Variants in CNTNAP4 observed in about 807,000 individuals in gnomAD.
The protein encoded by CNTNAP4 is contactin associated protein family member 4.
In CNTNAP4, 98 loss-of-function variants were observed where a neutral mutation model predicts 148.4. The observed-to-expected ratio is 0.66, with a 90% confidence interval of 0.56 to 0.78. The LOEUF (loss-of-function observed/expected upper bound fraction) is 0.78, where lower values mean the gene tolerates loss of function less well. Ranked by LOEUF, CNTNAP4 falls within the 30% of genes least tolerant of loss-of-function variation. CNTNAP4 has a pLI of 0.00. For synonymous variants in CNTNAP4, 730 were observed against 565.1 expected (o/e 1.29, Z -4.14); for missense variants, 1,935 against 1,565.6 (o/e 1.24, Z -3.98).
chr16:76,443,013 A>C (rs187362237), intron 4 of CNTNAP4, among the ~76,000 whole-genome samples: 75 of 152,128 alleles, frequency 4.9e-4, no homozygotes, highest in African/African-American at 1.7e-3. Flanking sequence ...TGTCAGAACA[A>C]TTTGCAACTG....
intron 3 of CNTNAP4, among the ~76,000 whole-genome samples, chr16:76,373,551 G>A (rs143269409): frequency 6.6e-6 from 1 of 152,096 alleles, no homozygotes; most frequent in Non-Finnish European, 1.5e-5. Context: ...TTTAGGAAAA[G>A]ATTCAAATGT....
intron 21 of CNTNAP4, among the ~76,000 whole-genome samples, chr16:76,541,732 G>C (rs1212762778): frequency 6.6e-6 from 1 of 152,158 alleles, no homozygotes; most frequent in East Asian, 1.9e-4. Context: ...GAGGTTAATA[G>C]TTCAGCAAAT....
At chr16:76,399,632 A>G (rs2078332538) in intron 3 of CNTNAP4, among the ~76,000 whole-genome samples, 1 of 152,184 alleles carries the variant, frequency 6.6e-6, no homozygotes, top group Non-Finnish European at 1.5e-5. Context: ...ATTAAAAAAG[A>G]GTATCTTTTG....
chr16:76,341,673 G>A (rs1964479906), intron 2 of CNTNAP4, among the ~76,000 whole-genome samples: 1 of 152,112 alleles, frequency 6.6e-6, no homozygotes, highest in African/African-American at 2.4e-5. Context: ...GAGGCATTCA[G>A]GATTTGGGAT....
chr16:76,336,204 A>G (rs16944234), intron 2 of CNTNAP4, among the ~76,000 whole-genome samples: 1,916 of 152,290 alleles, frequency 0.013, 55 homozygotes, highest in African/African-American at 0.044. Context: ...GGTTGGGAAA[A>G]AAAATGCAGA....
At chr16:76,316,568 T>A in intron 2 of CNTNAP4, 45 bp downstream of exon 2, 1 of 1,235,112 alleles carries the variant, frequency 8.1e-7, no homozygotes, top group Non-Finnish European at 1.2e-6. Context: ...AAAATCTCAC[T>A]AGTTTTTCAT....
At position 76,452,753 on chromosome 16, in the gene CNTNAP4, C is replaced by T. The variant is rs765491925; in HGVS notation, c.1317C>T (p.Pro439=). 6 of 1,591,802 alleles carry T rather than the reference C, an allele frequency of 3.8e-6. No homozygotes were observed. The East Asian group carries it at 1.1e-4, about 30-fold the overall frequency. ...ATCTCTACCAGCCAGGAAAATTACCCAGTGACATCACAGCAGGTAATAAAT... is the reference window on the plus strand; with the variant it reads ...ATCTCTACCAGCCAGGAAAATTACCTAGTGACATCACAGCAGGTAATAAAT... The part of the protein sequence containing the change: ...KSNLYQPGKL[P]SDITAGVELN... Residue 439 remains proline, a synonymous_variant, in exon 8 of 24, where the codon CCC becomes CCT. Transcript: ENST00000611870.
chr16:76,429,336 T>G (rs1169773065), intron 4 of CNTNAP4, among the ~76,000 whole-genome samples: 1 of 152,208 alleles, frequency 6.6e-6, no homozygotes, highest in Non-Finnish European at 1.5e-5. Context: ...TGCTTCCTGT[T>G]TACAGTTATA....
intron 2 of CNTNAP4, among the ~76,000 whole-genome samples, chr16:76,338,042 C>A (rs1050638636): frequency 2.6e-5 from 4 of 152,120 alleles, no homozygotes; most frequent in Non-Finnish European, 5.9e-5. Context: ...ATCACAGGAT[C>A]CTGAGGTGAC....
intron 7 of CNTNAP4, among the ~76,000 whole-genome samples, chr16:76,450,993 A>G (rs2080447925): frequency 1.3e-5 from 2 of 152,130 alleles, no homozygotes; most frequent in African/African-American, 4.8e-5. Flanking sequence ...TCAGCCTAGG[A>G]GGGTTGAAGA....
At chr16:76,447,356 T>TGA (rs1555559395) in intron 4 of CNTNAP4, among the ~76,000 whole-genome samples, 24 of 147,484 alleles carry the variant, frequency 1.6e-4, no homozygotes, top group Non-Finnish European at 4.5e-5. Context: ...ATATATGAAA[T>TGA]TATATATATA....
At chr16:76,348,831 T>G (rs1254965330) in intron 2 of CNTNAP4, among the ~76,000 whole-genome samples, 2 of 143,792 alleles carry the variant, frequency 1.4e-5, no homozygotes, top group East Asian at 4.1e-4. Context: ...CTATATTATT[T>G]GAAGACTGTT....
chr16:76,485,967 T>G (rs1597701605), intron 12 of CNTNAP4, among the ~76,000 whole-genome samples: 1 of 152,370 alleles, frequency 6.6e-6, no homozygotes, highest in East Asian at 1.9e-4. Flanking sequence ...CCTTCAGCTA[T>G]TCAGCGTGAA....
chr16:76,296,589 C>A (rs9925731), intron 1 of CNTNAP4, among the ~76,000 whole-genome samples: 3,025 of 151,988 alleles, frequency 0.02, 103 homozygotes, highest in African/African-American at 0.068. Flanking sequence ...TGTTCTAGAA[C>A]ACAGGCATAT....
intron 13 of CNTNAP4, 24 bp downstream of exon 13, chr16:76,489,907 T>G: frequency 6.9e-7 from 1 of 1,449,830 alleles, no homozygotes; most frequent in Non-Finnish European, 9.3e-7. Context: ...GGTGTCTGTC[T>G]TGTTGCACAC....
At chr16:76,460,622 G>T (rs1219563166) in intron 8 of CNTNAP4, among the ~76,000 whole-genome samples, 4 of 147,930 alleles carry the variant, frequency 2.7e-5, no homozygotes, top group Non-Finnish European at 4.5e-5. Flanking sequence ...AATTAGCCAG[G>T]CGTGGTGGCA....
At chr16:76,379,384 A>G (rs1315822607) in intron 3 of CNTNAP4, among the ~76,000 whole-genome samples, 2 of 152,044 alleles carry the variant, frequency 1.3e-5, no homozygotes, top group East Asian at 1.9e-4. Context: ...TCTATTTATA[A>G]TTTTTCATTT....
Position 76,326,434 on chromosome 16 carries a change from G to A in CNTNAP4, c.196+9911G>A, listed in dbSNP as rs74672770. ...GCCCAGCAGGGGATGGACGGATCTTGCTAAGAGATGGGAAAAGCTAGCAAA... is the reference window on the plus strand; with the variant it reads ...GCCCAGCAGGGGATGGACGGATCTTACTAAGAGATGGGAAAAGCTAGCAAA... On this transcript the variant is annotated intron_variant, in intron 2 of 23. Transcript: ENST00000611870. Among the ~76,000 whole-genome samples the A allele has an allele frequency of 5.7e-3, 864 of 152,286 alleles. 4 individuals carry two copies. The highest frequency in any genetic ancestry group is 0.015 in the African/African-American group (608 of 41,556).
At chr16:76,441,575 G>A (rs1409991788) in intron 4 of CNTNAP4, among the ~76,000 whole-genome samples, 1 of 152,158 alleles carries the variant, frequency 6.6e-6, no homozygotes, top group Non-Finnish European at 1.5e-5. Flanking sequence ...AGCAATTGCT[G>A]TGGTAAGTCA....
Sources: gnomAD v4.1 joint callset for allele counts (sites outside exome capture counted in the v4.1 genomes callset) on GRCh38, gnomAD v4.1.1 for gene constraint, MANE v1.5 for transcripts, NCBI Gene and HGNC (gene_info 2026-07-23, HGNC 2026-07-21) for gene names.